The following FABP12 variants were observed in gnomAD, a reference collection of about 807,000 sequenced individuals.
FABP12 encodes the protein fatty acid binding protein 12.
Under a neutral mutation model 13.7 loss-of-function variants are expected in FABP12, and 19 were observed. The ratio of observed to expected loss-of-function variants is 1.39; its 90% CI spans 0.97 to 2.04. The LOEUF is 2.04. Ranked by LOEUF, FABP12 falls within the 30% of genes most tolerant of loss-of-function variation. The probability of loss-of-function intolerance (pLI) is 0.00; values close to 1 mark genes in which losing one functional copy is unlikely to be tolerated. For missense variants in FABP12, 182 were observed against 164.2 expected (o/e 1.11, Z -0.59); for synonymous variants, 61 against 57.0 (o/e 1.07, Z -0.32).
intron 1 of FABP12, among the ~76,000 whole-genome samples, chr8:81,542,656 A>C (rs6984503): frequency 0.028 from 4,244 of 152,292 alleles, 159 homozygotes; most frequent in African/African-American, 0.088. Context: ...GGGAGTGCAG[A>C]GTGTACTCAA....
chr8:81,558,829 G>A (rs1251880808), intron 1 of FABP12, among the ~76,000 whole-genome samples: 1 of 147,688 alleles, frequency 6.8e-6, no homozygotes, highest in Non-Finnish European at 1.5e-5. Context: ...GGCAGCAGTT[G>A]CAGTGAGCTG....
At chr8:81,545,182 G>A (rs115544759) in intron 1 of FABP12, among the ~76,000 whole-genome samples, 97 of 152,224 alleles carry the variant, frequency 6.4e-4, no homozygotes, top group African/African-American at 2.3e-3. Context: ...CACCATGCCC[G>A]ACTAGAGGTT....
intron 4 of FABP12, 49 bp from the exon 5 acceptor site, chr8:81,525,169 A>G: frequency 8.0e-7 from 1 of 1,244,596 alleles, no homozygotes; most frequent in Non-Finnish European, 1.1e-6. Context: ...TAGTGAAATT[A>G]ACATTTAGAA....
chr8:81,573,660 C>T (rs575413016), intron 1 of FABP12, among the ~76,000 whole-genome samples: 19 of 152,120 alleles, frequency 1.2e-4, no homozygotes, highest in Admixed American at 2.6e-4. Context: ...AGAGGTCTTT[C>T]GATTCCTTGG....
chr8:81,570,302 G>T (rs1055345682), intron 1 of FABP12, among the ~76,000 whole-genome samples: 1 of 152,210 alleles, frequency 6.6e-6, no homozygotes, highest in Non-Finnish European at 1.5e-5. Flanking sequence ...CAAGCGAGGC[G>T]CATGTTTCAG....
chr8:81,530,642 T>A (rs753718559), intron 2 of FABP12, among the ~76,000 whole-genome samples: 2 of 152,228 alleles, frequency 1.3e-5, no homozygotes, highest in Non-Finnish European at 2.9e-5. Flanking sequence ...CACGTCTTAA[T>A]CCCTGGAACC....
intron 1 of FABP12, among the ~76,000 whole-genome samples, chr8:81,541,643 TG>T (rs1809345312): frequency 6.6e-6 from 1 of 152,134 alleles, no homozygotes; most frequent in South Asian, 2.1e-4. Flanking sequence ...ACTCTGTGCC[TG>T]TGGACCTGCT....
intron 1 of FABP12, among the ~76,000 whole-genome samples, chr8:81,569,188 T>C (rs184478013): frequency 6.6e-6 from 1 of 152,330 alleles, no homozygotes; most frequent in East Asian, 1.9e-4. Context: ...TAATTATACA[T>C]TGTACACCTG....
At chr8:81,589,613 A>C (rs1282376304) in intron 1 of FABP12, among the ~76,000 whole-genome samples, 1 of 152,254 alleles carries the variant, frequency 6.6e-6, no homozygotes, top group African/African-American at 2.4e-5. Flanking sequence ...GCTTAAGCAG[A>C]CATTTAAAAA....
intron 1 of FABP12, among the ~76,000 whole-genome samples, chr8:81,545,469 A>C (rs1000188887): frequency 6.6e-6 from 1 of 152,274 alleles, no homozygotes; most frequent in Non-Finnish European, 1.5e-5. Context: ...ATTAAAAATT[A>C]GTCCAGTGAA....
At chr8:81,552,705 T>TC (rs1391132962) in intron 1 of FABP12, among the ~76,000 whole-genome samples, 1 of 152,200 alleles carries the variant, frequency 6.6e-6, no homozygotes, top group Non-Finnish European at 1.5e-5. Context: ...TCTATTTTTT[T>TC]CACTGATAAA....
intron 1 of FABP12, among the ~76,000 whole-genome samples, chr8:81,583,851 A>C (rs939207438): frequency 6.6e-6 from 1 of 152,180 alleles, no homozygotes; most frequent in Non-Finnish European, 1.5e-5. Flanking sequence ...TAAGGCCAGC[A>C]TTACCCTGAC....
intron 1 of FABP12, among the ~76,000 whole-genome samples, chr8:81,578,906 G>T (rs969332555): frequency 1.5e-5 from 2 of 137,292 alleles, no homozygotes; most frequent in African/African-American, 2.8e-5. Context: ...CTCACTGCAA[G>T]CTCTGCCTCC....
intron 1 of FABP12, among the ~76,000 whole-genome samples, chr8:81,552,138 C>T (rs375669966): frequency 2.6e-5 from 4 of 152,204 alleles, no homozygotes; most frequent in Non-Finnish European, 1.5e-5. Flanking sequence ...CTATGGGGTA[C>T]AGAAAGGGCT....
chr8:81,575,048 TG>T (rs1423908000), intron 1 of FABP12, among the ~76,000 whole-genome samples: 1 of 152,164 alleles, frequency 6.6e-6, no homozygotes, highest in Non-Finnish European at 1.5e-5. Flanking sequence ...AACCTTAGAA[TG>T]TCAGTTTGTG....
chr8:81,540,621 G>A (rs1218517991), intron 1 of FABP12, among the ~76,000 whole-genome samples: 1 of 152,140 alleles, frequency 6.6e-6, no homozygotes, highest in Non-Finnish European at 1.5e-5. Context: ...GGAAACTAAG[G>A]AAACATGATG....
chr8:81,579,694 GA>G (rs1197044584), intron 1 of FABP12, among the ~76,000 whole-genome samples: 1 of 152,098 alleles, frequency 6.6e-6, no homozygotes, highest in Non-Finnish European at 1.5e-5. Flanking sequence ...CATTTTGACT[GA>G]ATTATCTTGA....
chr8:81,527,641 C>T (rs1808941668), intron 3 of FABP12, among the ~76,000 whole-genome samples: 1 of 152,194 alleles, frequency 6.6e-6, no homozygotes, highest in Non-Finnish European at 1.5e-5. Flanking sequence ...GGATTACAGG[C>T]ATGAGCCACC....
intron 1 of FABP12, among the ~76,000 whole-genome samples, chr8:81,564,909 A>T (rs1039981512): frequency 6.6e-6 from 1 of 152,056 alleles, no homozygotes; most frequent in Non-Finnish European, 1.5e-5. Context: ...GGATTAAAAA[A>T]CAGGACCCAA....
Sources: allele counts gnomAD v4.1 joint callset (sites outside exome capture counted in the v4.1 genomes callset), GRCh38; gene constraint gnomAD v4.1.1; transcripts MANE v1.5; gene names NCBI Gene and HGNC (gene_info 2026-07-23, HGNC 2026-07-21).